PRRC2B: variants seen among roughly 807,000 people sequenced by gnomAD.
PRRC2B encodes the protein proline rich coiled-coil 2B.
In PRRC2B, 68 loss-of-function variants were observed where a neutral mutation model predicts 242.3. The ratio of observed to expected loss-of-function variants is 0.28; its 90% CI spans 0.23 to 0.34. The LOEUF (loss-of-function observed/expected upper bound fraction) is 0.34, where lower values mean the gene tolerates loss of function less well. Ranked by LOEUF, PRRC2B falls within the 10% of genes least tolerant of loss-of-function variation. The pLI is 1.00. For synonymous variants in PRRC2B, 1,228 were observed against 1,173.6 expected, an observed-to-expected ratio of 1.05 and a Z score of -0.95; for missense variants, 2,835 against 2,954.8, an observed-to-expected ratio of 0.96 and a Z score of 0.94.
chr9:131,486,065 T>A lies in PRRC2B; in HGVS notation c.5759-20T>A. ...GAGGCTTGATCCTCTTCTACGTCCCTTTTGCCGCTCTGTTTCCAGGCAGCC... is the reference window on the plus strand; with the variant it reads ...GAGGCTTGATCCTCTTCTACGTCCCATTTGCCGCTCTGTTTCCAGGCAGCC... On this transcript the variant is annotated intron_variant, in intron 25 of 31. Transcript: ENST00000683519. 1 of 1,549,084 alleles carries A rather than the reference T, an allele frequency of 6.5e-7. No individual in the cohort carries two copies. Among genetic ancestry groups the A allele is most frequent in the South Asian group, 1.1e-5 (1 of 87,968 alleles).
chr9:131,475,444 C>T lies in PRRC2B; in HGVS notation c.3315C>T (p.Arg1105=), dbSNP rs1421449621. 2 of 1,581,640 alleles carry T rather than the reference C, an allele frequency of 1.3e-6. No homozygotes were observed. Among genetic ancestry groups the T allele is most frequent in the East Asian group, 2.2e-5 (1 of 44,514 alleles). Residue 1105 remains arginine, a synonymous_variant, in exon 16 of 32, where the codon CGC becomes CGT. Coordinates refer to ENST00000683519, the MANE Select transcript of PRRC2B (RefSeq NM_013318.4). ...GCAGCATCTACTGCAGCAGTCAGCG[C>T]AGCGGCCGTGGCCGGGGCCTGCGAG... The part of the protein sequence containing the change: ...GARSIYCSSQ[R]SGRGRGLREF...
intron 3 of PRRC2B, among the ~76,000 whole-genome samples, chr9:131,436,179 C>G (rs1838362443): frequency 6.6e-6 from 1 of 152,070 alleles, no homozygotes; most frequent in Non-Finnish European, 1.5e-5. Flanking sequence ...ACAGAAGGCT[C>G]TACAAGAAGG....
intron 1 of PRRC2B, among the ~76,000 whole-genome samples, chr9:131,407,766 G>A (rs982917595): frequency 6.6e-6 from 1 of 152,226 alleles, no homozygotes; most frequent in Non-Finnish European, 1.5e-5. Flanking sequence ...ACACCCGAGG[G>A]CGTGTGGCCC....
intron 9 of PRRC2B, among the ~76,000 whole-genome samples, chr9:131,450,964 A>T (rs142555465): frequency 1.2e-3 from 184 of 152,310 alleles, no homozygotes; most frequent in African/African-American, 4.3e-3. Context: ...GCAGTGTCTT[A>T]CTTACAGTTT....
At chr9:131,489,116 A>C (rs943473068) in intron 28 of PRRC2B, among the ~76,000 whole-genome samples, 15 of 150,558 alleles carry the variant, frequency 1.0e-4, no homozygotes, top group Admixed American at 4.6e-4. Flanking sequence ...CTCAACTCTC[A>C]GTGTCCCTCT....
At chr9:131,416,878 A>G (rs1388953372) in intron 1 of PRRC2B, among the ~76,000 whole-genome samples, 2 of 152,174 alleles carry the variant, frequency 1.3e-5, no homozygotes, top group African/African-American at 2.4e-5. Flanking sequence ...TAAGGGGGAA[A>G]AAAAGTTTAT....
Position 131,455,067 on chromosome 9 carries a change from C to T in PRRC2B, c.1121-9C>T, listed in dbSNP as rs763196634. ...TTCTCATTCTTCCTGGGCCCTCCTG[C>T]TGTTGTAGGCCTCCATGAAGAAGTG... On this transcript the variant is annotated splice_polypyrimidine_tract_variant and intron_variant, in intron 9 of 31. Coordinates refer to ENST00000683519, the MANE Select transcript of PRRC2B (RefSeq NM_013318.4). The T allele has an allele frequency of 3.1e-6, 5 of 1,606,634 alleles. No homozygotes were observed. Among genetic ancestry groups the T allele is most frequent in the Non-Finnish European group, 4.3e-6 (5 of 1,174,192 alleles).
intron 1 of PRRC2B, among the ~76,000 whole-genome samples, 176 bp downstream of exon 1, chr9:131,394,439 C>T (rs921783110): frequency 1.4e-5 from 2 of 146,090 alleles, no homozygotes; most frequent in Non-Finnish European, 3.0e-5. Flanking sequence ...CCGCCGGGCG[C>T]GGGGCTGCGG....
At chr9:131,417,121 T>G (rs569915981) in intron 1 of PRRC2B, among the ~76,000 whole-genome samples, 1 of 152,204 alleles carries the variant, frequency 6.6e-6, no homozygotes, top group East Asian at 1.9e-4. Context: ...GCCTTTTCAT[T>G]TCTTGAATCC....
chr9:131,487,731 C>A lies in PRRC2B; in HGVS notation c.5985-125C>A. On this transcript the variant is annotated intron_variant, in intron 27 of 31. Coordinates refer to ENST00000683519, the MANE Select transcript of PRRC2B (RefSeq NM_013318.4). This position sits in a 1 kb window ranked among gnomAD's most constrained non-coding sequence, Gnocchi z 5.3. ...AGGCCCCATCCTGGACCCTCTGAGT[C>A]GCGCTCTGGGGGTGGGGCCGGGGAT... 1.6e-6 allele frequency: 2 copies of A among 1,289,548 alleles called. No individual in the cohort carries two copies. Among genetic ancestry groups the A allele is most frequent in the Non-Finnish European group, 2.1e-6 (2 of 951,546 alleles). The allele number at this position is 1,289,548 out of a possible 1,614,324, so 79.9% of individuals were successfully genotyped here. A position where few individuals can be genotyped will look rare whatever the true frequency, so the allele number is the denominator to read the frequency against.
At chr9:131,491,656 C>T (rs929431149) in intron 29 of PRRC2B, 76 bp downstream of exon 29, 37 of 1,369,948 alleles carry the variant, frequency 2.7e-5, no homozygotes, top group Non-Finnish European at 3.3e-5. Context: ...AGCTAAGTAC[C>T]CCTGTGTGGT....
At chr9:131,449,455 G>A (rs1942844831) in intron 9 of PRRC2B, among the ~76,000 whole-genome samples, 1 of 152,052 alleles carries the variant, frequency 6.6e-6, no homozygotes, top group Non-Finnish European at 1.5e-5. Context: ...GAACATGTTT[G>A]TGTTTTTAAT....
chr9:131,421,186 C>G (rs1837829663), intron 1 of PRRC2B, among the ~76,000 whole-genome samples: 9 of 152,206 alleles, frequency 5.9e-5, no homozygotes, highest in Admixed American at 5.9e-4. Flanking sequence ...GCAGATCTCT[C>G]CTGCTGCAGG....
At chr9:131,378,588 T>TG (rs1836715434) in intron 1 of PRRC2B, among the ~76,000 whole-genome samples, 1 of 152,212 alleles carries the variant, frequency 6.6e-6, no homozygotes, top group African/African-American at 2.4e-5. Flanking sequence ...ATCCCAGCCC[T>TG]GGGAGGGTGA....
At chr9:131,464,672 C>G in intron 11 of PRRC2B, 91 bp from the exon 12 acceptor site, 2 of 1,190,122 alleles carry the variant, frequency 1.7e-6, no homozygotes, top group South Asian at 3.2e-5. Flanking sequence ...GCTTGAGGAT[C>G]TTGGGAGGAG....
intron 5 of PRRC2B, among the ~76,000 whole-genome samples, chr9:131,441,568 A>G (rs547228289): frequency 5.3e-4 from 80 of 152,232 alleles, no homozygotes; most frequent in African/African-American, 1.8e-3. Context: ...GCAGGCAGAA[A>G]CCTGCCAGCC....
intron 1 of PRRC2B, among the ~76,000 whole-genome samples, chr9:131,412,006 T>C (rs150924873): frequency 1.5e-3 from 233 of 151,872 alleles, no homozygotes; most frequent in South Asian, 8.5e-3. Flanking sequence ...GGCGTCTTGC[T>C]GTATTGCCCA....
intron 2 of PRRC2B, among the ~76,000 whole-genome samples, chr9:131,432,049 C>G (rs1268970346): frequency 6.6e-6 from 1 of 152,202 alleles, no homozygotes; most frequent in Admixed American, 6.5e-5. Context: ...CCACCTCGGC[C>G]TCCCAAAGTG....
intron 1 of PRRC2B, among the ~76,000 whole-genome samples, chr9:131,421,031 T>C (rs1312437844): frequency 6.6e-6 from 1 of 152,242 alleles, no homozygotes; most frequent in African/African-American, 2.4e-5. Flanking sequence ...TTTGTAAATA[T>C]GGCTATTCTC....
Sources: gnomAD v4.1 joint callset for allele counts (sites outside exome capture counted in the v4.1 genomes callset) on GRCh38, gnomAD v4.1.1 for gene constraint, Gnocchi (gnomAD v3.1) non-coding constraint, MANE v1.5 for transcripts, NCBI Gene and HGNC (gene_info 2026-07-23, HGNC 2026-07-21) for gene names.